Variants in DNM3 observed in about 807,000 individuals in gnomAD.
The protein encoded by DNM3 is dynamin 3, also known as dynamin-3.
DNM3 carries 47 observed loss-of-function variants against 101.6 expected under a neutral mutation model. That is an observed-to-expected ratio of 0.46 (90% confidence interval 0.37 to 0.59). The LOEUF (loss-of-function observed/expected upper bound fraction) is 0.59, where lower values mean the gene tolerates loss of function less well. Ranked by LOEUF, DNM3 falls within the 20% of genes least tolerant of loss-of-function variation. The pLI is 0.00. For missense variants in DNM3, 849 were observed against 1,085.7 expected (o/e 0.78, Z 3.06); for synonymous variants, 385 against 387.9 (o/e 0.99, Z 0.09).
chr1:172,405,633 AC>A (rs1343052802), intron 20 of DNM3, among the ~76,000 whole-genome samples: 1 of 152,008 alleles, frequency 6.6e-6, no homozygotes, highest in East Asian at 1.9e-4. Context: ...TAATGAAATC[AC>A]CTAATTAATT....
intron 14 of DNM3, among the ~76,000 whole-genome samples, chr1:172,134,552 T>C (rs1287965119): frequency 6.6e-6 from 1 of 152,182 alleles, no homozygotes; most frequent in African/African-American, 2.4e-5. Flanking sequence ...CATCTGAACA[T>C]TTCCCAACAA....
intron 14 of DNM3, among the ~76,000 whole-genome samples, chr1:172,156,752 C>T (rs888053886): frequency 6.6e-6 from 1 of 151,652 alleles, no homozygotes; most frequent in Non-Finnish European, 1.5e-5. Flanking sequence ...TTTATTTTTG[C>T]AGTAAGGATA....
At chr1:172,092,674 CT>C in intron 12 of DNM3, 149 bp from the exon 13 acceptor site, 1 of 778,122 alleles carries the variant, frequency 1.3e-6, no homozygotes, top group South Asian at 2.5e-5. Context: ...GTTGGTTTTG[CT>C]TCCAGAATTA....
At chr1:172,001,355 T>A (rs2046347706) in intron 4 of DNM3, among the ~76,000 whole-genome samples, 1 of 152,032 alleles carries the variant, frequency 6.6e-6, no homozygotes, top group African/African-American at 2.4e-5. Context: ...TGCTATACCC[T>A]GGCTGAACCG....
chr1:172,275,769 C>T (rs531350857), intron 15 of DNM3, among the ~76,000 whole-genome samples: 3 of 152,124 alleles, frequency 2.0e-5, no homozygotes, highest in East Asian at 1.9e-4. Context: ...AATATAGTTC[C>T]GTAACATCAT....
intron 20 of DNM3, among the ~76,000 whole-genome samples, chr1:172,405,500 T>G (rs1465461739): frequency 6.6e-6 from 1 of 152,086 alleles, no homozygotes; most frequent in African/African-American, 2.4e-5. Context: ...GTTTCATTCC[T>G]TTCTCTCTTG....
intron 17 of DNM3, among the ~76,000 whole-genome samples, chr1:172,363,553 G>C (rs982902052): frequency 6.6e-6 from 1 of 151,788 alleles, no homozygotes; most frequent in Non-Finnish European, 1.5e-5. Context: ...AAACCCACTT[G>C]ATTCAGACTT....
intron 12 of DNM3, among the ~76,000 whole-genome samples, chr1:172,092,456 T>A (rs1393405592): frequency 6.6e-6 from 1 of 152,200 alleles, no homozygotes; most frequent in Non-Finnish European, 1.5e-5. Context: ...TAAAAATGAT[T>A]AATATCGATA....
At chr1:172,013,499 T>C (rs1350552436) in intron 4 of DNM3, among the ~76,000 whole-genome samples, 1 of 152,044 alleles carries the variant, frequency 6.6e-6, no homozygotes, top group African/African-American at 2.4e-5. Flanking sequence ...GTAGTTCCTG[T>C]TTTTGAAGAG....
intron 14 of DNM3, among the ~76,000 whole-genome samples, chr1:172,183,767 ATTTTTTTTTTTTTTTTT>A (rs376245976): frequency 3.2e-5 from 2 of 62,650 alleles, no homozygotes; most frequent in African/African-American, 5.6e-5. Context: ...TGCCCAGCTA[ATTTTTTTTTTTTTTTTT>A]TTTTTTTTTT....
intron 17 of DNM3, among the ~76,000 whole-genome samples, chr1:172,375,285 A>G (rs2068542244): frequency 6.6e-6 from 1 of 152,038 alleles, no homozygotes; most frequent in Non-Finnish European, 1.5e-5. Flanking sequence ...TCATAGGACT[A>G]TATTTGGTCA....
chr1:172,180,310 A>G lies in DNM3; in HGVS notation c.1659+49022A>G, dbSNP rs777403222. On this transcript the variant is annotated intron_variant, in intron 14 of 20. Transcript: ENST00000627582. ...TTGTTCTTTATGGTTTACCAATTTC[A>G]CTCGTTAGATCCTGACTTTTACCCT... Among the ~76,000 whole-genome samples, 78 of 152,006 alleles carry G rather than the reference A, an allele frequency of 5.1e-4. 1 individual carries two copies. The highest frequency in any genetic ancestry group is 1.2e-4 in the Non-Finnish European group (8 of 67,990).
At chr1:171,963,869 C>T (rs560667613) in intron 2 of DNM3, among the ~76,000 whole-genome samples, 1 of 151,938 alleles carries the variant, frequency 6.6e-6, no homozygotes, top group South Asian at 2.1e-4. Context: ...GCCCCCCATC[C>T]ACCTGAATGG....
intron 4 of DNM3, among the ~76,000 whole-genome samples, chr1:172,025,344 C>T (rs1010408411): frequency 2.0e-5 from 3 of 152,302 alleles, no homozygotes; most frequent in Middle Eastern, 3.4e-3. Flanking sequence ...TAGGACAGAC[C>T]ACCTGGGGGA....
intron 10 of DNM3, among the ~76,000 whole-genome samples, chr1:172,061,996 T>C (rs747515526): frequency 1.3e-5 from 2 of 152,194 alleles, no homozygotes; most frequent in Non-Finnish European, 2.9e-5. Flanking sequence ...ATCAGACTGG[T>C]TATTAAAGTC....
intron 17 of DNM3, among the ~76,000 whole-genome samples, chr1:172,348,008 C>G (rs1434885814): frequency 6.6e-6 from 1 of 151,824 alleles, no homozygotes; most frequent in East Asian, 1.9e-4. Flanking sequence ...AAAAATAACT[C>G]TTTAAGACTA....
Position 172,308,762 on chromosome 1 carries a change from G to A in DNM3, c.1804G>A (p.Ala602Thr). 1 of 1,607,494 alleles carries A rather than the reference G, an allele frequency of 6.2e-7. No individual in the cohort carries two copies. The highest frequency in any genetic ancestry group is 8.5e-7 in the Non-Finnish European group (1 of 1,177,320). ...VYKDYRFLEL[A>T]CDSQEDVDSW... is the part of the protein sequence containing the mutation. ...CAAAGACTATCGCTTCCTTGAGCTG[G>A]CATGTGATTCCCAGGAGGATGTCGA... Residue 602 changes from alanine to threonine, a missense_variant, in exon 16 of 21, where the codon GCA (alanine) becomes ACA (threonine). Transcript: ENST00000627582.
chr1:172,374,627 T>A (rs923671305), intron 17 of DNM3, among the ~76,000 whole-genome samples: 3 of 152,088 alleles, frequency 2.0e-5, no homozygotes, highest in Non-Finnish European at 4.4e-5. Flanking sequence ...TTCCTCATAA[T>A]GTAAAGAAAA....
chr1:171,934,883 T>G (rs2041289676), intron 2 of DNM3, among the ~76,000 whole-genome samples: 1 of 152,218 alleles, frequency 6.6e-6, no homozygotes, highest in African/African-American at 2.4e-5. Flanking sequence ...TTATCAGCAC[T>G]GCACATTTTG....
Sources: allele counts gnomAD v4.1 joint callset (sites outside exome capture counted in the v4.1 genomes callset), GRCh38; gene constraint gnomAD v4.1.1; transcripts MANE v1.5; gene names NCBI Gene and HGNC (gene_info 2026-07-23, HGNC 2026-07-21).